Variants in TSPAN12 observed in about 807,000 individuals in gnomAD.
TSPAN12 encodes the protein tetraspanin 12.
TSPAN12 carries 19 observed loss-of-function variants against 39.2 expected under a neutral mutation model. The observed-to-expected ratio is 0.49, with a 90% CI of 0.34 to 0.71. The LOEUF (loss-of-function observed/expected upper bound fraction) is 0.71, where lower values mean the gene tolerates loss of function less well. Among genes scored for constraint, TSPAN12 ranks in the 30% least tolerant of loss-of-function variants. TSPAN12 has a pLI of 0.01. For missense variants in TSPAN12, 314 were observed against 359.9 expected, an observed-to-expected ratio of 0.87 and a Z score of 1.03; for synonymous variants, 119 against 124.8, an observed-to-expected ratio of 0.95 and a Z score of 0.31.
At chr7:120,843,261 C>G (rs1475926430) in intron 2 of TSPAN12, among the ~76,000 whole-genome samples, 1 of 152,170 alleles carries the variant, frequency 6.6e-6, no homozygotes, top group South Asian at 2.1e-4. Flanking sequence ...TCTTTTGATG[C>G]ATTAACATCT....
At position 120,806,599 on chromosome 7, in the gene TSPAN12, C is replaced by G. The variant is rs267607151; in HGVS notation, c.562G>C (p.Gly188Arg). 16 of 1,613,380 alleles carry G rather than the reference C, an allele frequency of 9.9e-6. No homozygotes were observed. The highest frequency in any genetic ancestry group is 1.4e-5 in the Non-Finnish European group (16 of 1,179,636). The change falls in exon 7 of 8, where the codon GGA becomes CGA. Residue 188 changes from glycine to arginine, a missense_variant. Transcript: ENST00000222747. ...TCCTGGTGGGCCTGTTTGGAACATC[C>G]TGGGAATTCTCTAACACAGCAGGAA... ...PDSCCVREFP[G>R]CSKQAHQEDL...
intron 2 of TSPAN12, among the ~76,000 whole-genome samples, chr7:120,853,004 T>C (rs1392707147): frequency 1.3e-5 from 2 of 152,160 alleles, no homozygotes; most frequent in African/African-American, 2.4e-5. Flanking sequence ...TCTGCAAACA[T>C]TGCCTTAACA....
chr7:120,810,624 TCACACACACA>T (rs112555207), intron 5 of TSPAN12, 54 bp from the exon 6 acceptor site: 14 of 716,312 alleles, frequency 2.0e-5, no homozygotes, highest in Non-Finnish European at 2.1e-5. Context: ...AGACACAGAT[TCACACACACA>T]CACACACACA....
At chr7:120,805,781 A>G (rs1257699851) in intron 7 of TSPAN12, among the ~76,000 whole-genome samples, 2 of 152,156 alleles carry the variant, frequency 1.3e-5, no homozygotes, top group African/African-American at 2.4e-5. Flanking sequence ...AGAGGAACAG[A>G]TATTTTAATT....
intron 4 of TSPAN12, among the ~76,000 whole-genome samples, chr7:120,818,041 A>G (rs1770097340): frequency 6.6e-6 from 1 of 152,168 alleles, no homozygotes; most frequent in South Asian, 2.1e-4. Context: ...GTGATCTTTA[A>G]AATGAGTCAG....
chr7:120,837,013 T>G (rs2116460318), intron 4 of TSPAN12, among the ~76,000 whole-genome samples: 1 of 152,246 alleles, frequency 6.6e-6, no homozygotes, highest in African/African-American at 2.4e-5. Flanking sequence ...AGGGAGGAAA[T>G]GGCAGTCAGA....
chr7:120,796,082 T>C (rs929023690), intron 7 of TSPAN12, among the ~76,000 whole-genome samples: 3 of 152,210 alleles, frequency 2.0e-5, no homozygotes, highest in African/African-American at 4.8e-5. Context: ...AAAAATGTAT[T>C]TACAAAGAGG....
At chr7:120,794,521 C>T (rs1282840317) in intron 7 of TSPAN12, among the ~76,000 whole-genome samples, 1 of 152,218 alleles carries the variant, frequency 6.6e-6, no homozygotes, top group East Asian at 1.9e-4. Context: ...TGTGATGTGC[C>T]TGCTGCCGCT....
Position 120,857,064 on chromosome 7 carries a change from AT to A in TSPAN12, c.-70-232del, listed in dbSNP as rs541535179. 1.9e-5 allele frequency: 9 copies of A among 479,650 alleles called. No individual in the cohort carries two copies. The Admixed American group carries it at 3.0e-4, about 16-fold the overall frequency. 29.7% of individuals were successfully genotyped at this position (479,650 alleles called of 1,614,324 possible). On this transcript the variant is annotated intron_variant, in intron 1 of 7. Transcript: ENST00000222747. ...CTGCTGGGAAAAGAAAAGAGCAACT[AT>A]CCGGATGAATGAAGTCGCACAGTAA...
chr7:120,812,363 C>G (rs974770619), intron 5 of TSPAN12, among the ~76,000 whole-genome samples: 3 of 152,158 alleles, frequency 2.0e-5, no homozygotes, highest in African/African-American at 7.2e-5. Context: ...ACATTCCCAT[C>G]TGATCTATGA....
At chr7:120,794,776 A>AGTCG (rs1793599295) in intron 7 of TSPAN12, among the ~76,000 whole-genome samples, 1 of 151,944 alleles carries the variant, frequency 6.6e-6, no homozygotes. Flanking sequence ...TTGAGAGGAC[A>AGTCG]GTATTTTTCC....
chr7:120,838,210 A>C (rs1351653650), intron 4 of TSPAN12, among the ~76,000 whole-genome samples: 3 of 152,314 alleles, frequency 2.0e-5, no homozygotes, highest in South Asian at 4.1e-4. Context: ...ATGTTTGCCT[A>C]CTTTTGAATT....
intron 4 of TSPAN12, among the ~76,000 whole-genome samples, chr7:120,824,276 CA>C (rs56316348): frequency 4.5e-3 from 559 of 124,502 alleles, no homozygotes; most frequent in East Asian, 6.0e-3. Context: ...ACTAAAAATG[CA>C]AAAAAAAAAA....
At chr7:120,824,404 T>C (rs1401942083) in intron 4 of TSPAN12, among the ~76,000 whole-genome samples, 1 of 151,740 alleles carries the variant, frequency 6.6e-6, no homozygotes, top group Non-Finnish European at 1.5e-5. Flanking sequence ...ATGGTACCAT[T>C]GCACTCTAGC....
chr7:120,787,641 TA>T lies in TSPAN12; in HGVS notation c.*950del, dbSNP rs1051698181. The T allele has an allele frequency of 6.6e-6, 1 of 152,272 alleles. No homozygotes were observed. Among genetic ancestry groups the T allele is most frequent in the Non-Finnish European group, 1.5e-5 (1 of 67,994 alleles). The allele number at this position is 152,272 out of a possible 1,614,324, so 9.4% of individuals were successfully genotyped here. A position where few individuals can be genotyped will look rare whatever the true frequency, so the allele number is the denominator to read the frequency against. On this transcript the variant is annotated 3_prime_UTR_variant, in exon 8 of 8. Transcript: ENST00000222747. ...TTGGAGAAGGCAAAGATAAGCTTTT[TA>T]AAAAGTGTTTAGTGTCAAAAAGAGT...
At chr7:120,796,921 C>T (rs1179231027) in intron 7 of TSPAN12, among the ~76,000 whole-genome samples, 8 of 152,154 alleles carry the variant, frequency 5.3e-5, no homozygotes, top group Non-Finnish European at 8.8e-5. Flanking sequence ...TTTGGGAGGC[C>T]GAGGCAGGCG....
intron 6 of TSPAN12, among the ~76,000 whole-genome samples, chr7:120,809,359 T>C (rs1793933512): frequency 6.6e-6 from 1 of 152,122 alleles, no homozygotes. Context: ...ACTATAAATT[T>C]CCTAATGCTT....
At chr7:120,845,000 G>C (rs1391173251) in intron 2 of TSPAN12, among the ~76,000 whole-genome samples, 1 of 152,190 alleles carries the variant, frequency 6.6e-6, no homozygotes, top group Non-Finnish European at 1.5e-5. Flanking sequence ...CTGAAATTGA[G>C]TCAGAGGCTC....
intron 7 of TSPAN12, among the ~76,000 whole-genome samples, chr7:120,791,485 G>A (rs957122411): frequency 3.3e-5 from 5 of 152,228 alleles, no homozygotes; most frequent in African/African-American, 1.2e-4. Flanking sequence ...TATATATGCC[G>A]ATGATTCAAC....
Sources: allele counts gnomAD v4.1 joint callset (sites outside exome capture counted in the v4.1 genomes callset), GRCh38; gene constraint gnomAD v4.1.1; transcripts MANE v1.5; gene names NCBI Gene and HGNC (gene_info 2026-07-23, HGNC 2026-07-21).